The following SERGEF variants were observed in gnomAD, a reference collection of about 807,000 sequenced individuals.
The protein encoded by SERGEF is secretion-regulating guanine nucleotide exchange factor.
A neutral mutation model predicts 50.0 loss-of-function variants in SERGEF; 51 were observed. The observed-to-expected ratio is 1.02, with a 90% CI of 0.81 to 1.29. The LOEUF (loss-of-function observed/expected upper bound fraction) is 1.29, where lower values mean the gene tolerates loss of function less well. SERGEF is among the 50% of genes most tolerant of loss of function. The pLI is 0.00. For missense variants in SERGEF, 521 were observed against 557.0 expected (o/e 0.94, Z 0.65); for synonymous variants, 205 against 212.4 (o/e 0.97, Z 0.30).
At chr11:17,810,026 G>A (rs923581706) in intron 10 of SERGEF, among the ~76,000 whole-genome samples, 1 of 152,118 alleles carries the variant, frequency 6.6e-6, no homozygotes, top group Admixed American at 6.5e-5. Context: ...GAAAGGACCT[G>A]GAGAGAAGTG....
chr11:17,936,222 T>C (rs2133951760), intron 9 of SERGEF, among the ~76,000 whole-genome samples: 1 of 152,320 alleles, frequency 6.6e-6, no homozygotes, highest in South Asian at 2.1e-4. Flanking sequence ...AAGCCAAGAA[T>C]GTGACCAAAA....
At chr11:17,915,758 G>T (rs1472322923) in intron 9 of SERGEF, among the ~76,000 whole-genome samples, 3 of 152,212 alleles carry the variant, frequency 2.0e-5, no homozygotes, top group Non-Finnish European at 4.4e-5. Flanking sequence ...CCTAGAGCAG[G>T]CAGGGGATTG....
intron 5 of SERGEF, among the ~76,000 whole-genome samples, chr11:17,997,396 T>G (rs1331025018): frequency 6.6e-6 from 1 of 152,194 alleles, no homozygotes; most frequent in East Asian, 1.9e-4. Context: ...TTGGTGAGTT[T>G]TTGGAAAAAT....
At chr11:17,966,071 TC>T (rs1248738895) in intron 8 of SERGEF, among the ~76,000 whole-genome samples, 2 of 152,118 alleles carry the variant, frequency 1.3e-5, no homozygotes, top group East Asian at 1.9e-4. Context: ...CTCAGCCAAT[TC>T]CCACCTACCA....
chr11:17,797,905 A>G (rs193033990), intron 10 of SERGEF, among the ~76,000 whole-genome samples: 242 of 152,290 alleles, frequency 1.6e-3, no homozygotes, highest in Non-Finnish European at 2.8e-3. Context: ...GTGCTCTGCC[A>G]CAGGTCCTGA....
rs73426217 is a variant in SERGEF at position 17,845,106 on chromosome 11, A to C, written c.1048+33102T>G. Among the ~76,000 whole-genome samples, 443 of 152,272 alleles carry C rather than the reference A, an allele frequency of 2.9e-3. 3 individuals carry two copies. Among genetic ancestry groups the C allele is most frequent in the African/African-American group, 0.01 (428 of 41,570 alleles). The stretch of plus-strand genomic sequence containing the variant: ...CTCTGAGTTCATGGAGCAACTTCTC[A>C]GCAGCCATCTCCACCAGGTTCCCTT... On this transcript the variant is annotated intron_variant, in intron 10 of 10. Transcript: ENST00000265965.
At chr11:18,006,772 T>C in intron 2 of SERGEF, 26 bp from the exon 3 acceptor site, 1 of 1,611,188 alleles carries the variant, frequency 6.2e-7, no homozygotes, top group Non-Finnish European at 8.5e-7. Context: ...GCATCAGTGA[T>C]AGCGTGCACA....
chr11:17,902,119 G>A (rs1471228277), intron 9 of SERGEF, among the ~76,000 whole-genome samples: 1 of 152,202 alleles, frequency 6.6e-6, no homozygotes, highest in African/African-American at 2.4e-5. Context: ...AAACATTACT[G>A]TATTTTTTCA....
At chr11:17,806,837 A>T (rs996808483) in intron 10 of SERGEF, among the ~76,000 whole-genome samples, 1 of 152,078 alleles carries the variant, frequency 6.6e-6, no homozygotes, top group Non-Finnish European at 1.5e-5. Context: ...TATGGCTAAC[A>T]TCTGCCTACC....
chr11:17,814,570 G>A (rs1337603513), intron 10 of SERGEF, among the ~76,000 whole-genome samples: 1 of 152,186 alleles, frequency 6.6e-6, no homozygotes, highest in African/African-American at 2.4e-5. Context: ...ATACACATGG[G>A]ATGGGATGCT....
chr11:17,815,138 C>A (rs1849945036), intron 10 of SERGEF, among the ~76,000 whole-genome samples: 1 of 152,036 alleles, frequency 6.6e-6, no homozygotes. Flanking sequence ...AGTGAGCTAC[C>A]ATCGGGCCAC....
chr11:17,901,014 G>A (rs767798853), intron 9 of SERGEF, among the ~76,000 whole-genome samples: 2 of 152,128 alleles, frequency 1.3e-5, no homozygotes, highest in Middle Eastern at 3.4e-3. Flanking sequence ...AGAACACACC[G>A]TCTACCCCCA....
intron 6 of SERGEF, among the ~76,000 whole-genome samples, chr11:17,995,159 A>C (rs1352122437): frequency 6.6e-6 from 1 of 152,198 alleles, no homozygotes; most frequent in African/African-American, 2.4e-5. Flanking sequence ...AGGAGAAAAT[A>C]CAGACCAAAT....
intron 10 of SERGEF, among the ~76,000 whole-genome samples, chr11:17,859,034 G>C (rs1481462524): frequency 6.6e-6 from 1 of 152,154 alleles, no homozygotes; most frequent in Non-Finnish European, 1.5e-5. Flanking sequence ...GTTGATGCAG[G>C]CCATAGAGAG....
At chr11:17,822,536 C>T (rs968500933) in intron 10 of SERGEF, among the ~76,000 whole-genome samples, 1 of 152,166 alleles carries the variant, frequency 6.6e-6, no homozygotes, top group African/African-American at 2.4e-5. Context: ...TTGCTAGGTA[C>T]CAGCAACTGC....
chr11:17,937,823 C>T (rs1202406358), intron 9 of SERGEF, among the ~76,000 whole-genome samples: 1 of 152,028 alleles, frequency 6.6e-6, no homozygotes, highest in Non-Finnish European at 1.5e-5. Context: ...CCACATGGCC[C>T]CTGATTAGGT....
intron 5 of SERGEF, among the ~76,000 whole-genome samples, chr11:17,998,164 C>T (rs1853876160): frequency 6.6e-6 from 1 of 151,882 alleles, no homozygotes; most frequent in African/African-American, 2.4e-5. Context: ...GTAATCCCAA[C>T]ACTTTGGGAG....
At chr11:17,871,512 G>A (rs1851137545) in intron 10 of SERGEF, among the ~76,000 whole-genome samples, 1 of 149,020 alleles carries the variant, frequency 6.7e-6, no homozygotes, top group African/African-American at 2.5e-5. Context: ...GAAGATGTTT[G>A]CAATATGCAT....
intron 6 of SERGEF, among the ~76,000 whole-genome samples, chr11:17,994,888 C>T (rs1192874873): frequency 6.6e-6 from 1 of 152,176 alleles, no homozygotes; most frequent in Non-Finnish European, 1.5e-5. Context: ...TCCCCCACCC[C>T]TTCCCACCAT....
Sources: allele counts gnomAD v4.1 joint callset (sites outside exome capture counted in the v4.1 genomes callset), GRCh38; gene constraint gnomAD v4.1.1; transcripts MANE v1.5; gene names NCBI Gene and HGNC (gene_info 2026-07-23, HGNC 2026-07-21).